Variants in TRPC4 observed in about 807,000 individuals in gnomAD.
TRPC4 encodes the protein short transient receptor potential channel 4.
A neutral mutation model predicts 99.4 loss-of-function variants in TRPC4; 49 were observed. That is an observed-to-expected ratio of 0.49 (90% CI 0.39 to 0.63). The LOEUF (loss-of-function observed/expected upper bound fraction) is 0.63, where lower values mean the gene tolerates loss of function less well. Ranked by LOEUF, TRPC4 falls within the 20% of genes least tolerant of loss-of-function variation. TRPC4 has a pLI of 0.00. For synonymous variants in TRPC4, 454 were observed against 425.9 expected (o/e 1.07, Z -0.81); for missense variants, 898 against 1,152.9 (o/e 0.78, Z 3.20).
intron 4 of TRPC4, among the ~76,000 whole-genome samples, chr13:37,680,476 T>A (rs1220985939): frequency 6.6e-6 from 1 of 152,194 alleles, no homozygotes; most frequent in Non-Finnish European, 1.5e-5. Flanking sequence ...AAAGTATGAT[T>A]TTATCCTAAC....
intron 3 of TRPC4, among the ~76,000 whole-genome samples, chr13:37,709,778 C>T (rs749875329): frequency 2.6e-5 from 4 of 152,070 alleles, no homozygotes; most frequent in Middle Eastern, 3.4e-3. Flanking sequence ...ACTCGCATAC[C>T]AATTTGATAT....
chr13:37,824,192 T>A (rs560592794), intron 1 of TRPC4, among the ~76,000 whole-genome samples: 64 of 151,138 alleles, frequency 4.2e-4, no homozygotes, highest in Admixed American at 2.7e-3. Context: ...TGGGGTTTTC[T>A]AGATATAAAA....
chr13:37,801,403 A>T (rs151105268), intron 1 of TRPC4, among the ~76,000 whole-genome samples: 54 of 152,246 alleles, frequency 3.5e-4, no homozygotes, highest in African/African-American at 1.3e-3. Context: ...ACAGCTGGGA[A>T]TCATAACTGT....
At position 37,790,555 on chromosome 13, in the gene TRPC4, T is replaced by G. The variant is rs138840176; in HGVS notation, c.-27-7195A>C. 8.6e-3 allele frequency among the ~76,000 whole-genome samples: 1,306 copies of G among 152,302 alleles called. 11 individuals carry two copies. Among genetic ancestry groups the G allele is most frequent in the African/African-American group, 0.03 (1,233 of 41,582 alleles). ...CATGTCTGTTTAGCTGAGATAATATTTGCCTACCTGGGCAAGCAGCTCCCT... is the reference window on the plus strand; with the variant it reads ...CATGTCTGTTTAGCTGAGATAATATGTGCCTACCTGGGCAAGCAGCTCCCT... On this transcript the variant is annotated intron_variant, in intron 1 of 10. Coordinates refer to ENST00000379705, the MANE Select transcript of TRPC4 (RefSeq NM_016179.4).
chr13:37,861,622 G>T (rs1287178478), intron 1 of TRPC4, among the ~76,000 whole-genome samples: 1 of 151,362 alleles, frequency 6.6e-6, no homozygotes, highest in Non-Finnish European at 1.5e-5. Context: ...TTCATGAAAG[G>T]GCAAAATCAT....
intron 1 of TRPC4, among the ~76,000 whole-genome samples, chr13:37,812,963 T>C (rs950978292): frequency 6.6e-6 from 1 of 151,196 alleles, no homozygotes; most frequent in African/African-American, 2.4e-5. Flanking sequence ...GGAAAAACAC[T>C]AGTGAAAAAA....
intron 1 of TRPC4, among the ~76,000 whole-genome samples, chr13:37,814,058 A>C (rs1317799149): frequency 6.6e-6 from 1 of 151,852 alleles, no homozygotes; most frequent in Non-Finnish European, 1.5e-5. Flanking sequence ...ACAACAAATC[A>C]ATACAATAAA....
At chr13:37,787,297 T>C (rs1243046348) in intron 1 of TRPC4, among the ~76,000 whole-genome samples, 1 of 152,078 alleles carries the variant, frequency 6.6e-6, no homozygotes, top group Non-Finnish European at 1.5e-5. Context: ...CAACTCCTAT[T>C]TGTTATTAAG....
chr13:37,681,478 G>C (rs957775423), intron 4 of TRPC4, among the ~76,000 whole-genome samples: 1 of 152,014 alleles, frequency 6.6e-6, no homozygotes, highest in African/African-American at 2.4e-5. Flanking sequence ...TATTGTTCCA[G>C]ATTGAATATC....
At chr13:37,712,201 A>T (rs1954509610) in intron 3 of TRPC4, among the ~76,000 whole-genome samples, 1 of 152,110 alleles carries the variant, frequency 6.6e-6, no homozygotes, top group Non-Finnish European at 1.5e-5. Flanking sequence ...TATGTCCTTG[A>T]TTGCCTTTCT....
intron 6 of TRPC4, among the ~76,000 whole-genome samples, chr13:37,659,386 C>T (rs1322747915): frequency 6.6e-6 from 1 of 152,102 alleles, no homozygotes; most frequent in African/African-American, 2.4e-5. Flanking sequence ...AGGCCCTCAC[C>T]AGAAGCAGAT....
chr13:37,818,098 C>T (rs1957910376), intron 1 of TRPC4, among the ~76,000 whole-genome samples: 1 of 151,952 alleles, frequency 6.6e-6, no homozygotes, highest in African/African-American at 2.4e-5. Context: ...CGTGAACAGA[C>T]AGCCTACAGA....
At chr13:37,762,823 T>A (rs1295192433) in intron 2 of TRPC4, among the ~76,000 whole-genome samples, 1 of 150,464 alleles carries the variant, frequency 6.6e-6, no homozygotes, top group Non-Finnish European at 1.5e-5. Flanking sequence ...CATATGTAAC[T>A]AACCTGCACA....
chr13:37,758,051 G>C (rs1041706708), intron 2 of TRPC4, among the ~76,000 whole-genome samples: 3 of 151,946 alleles, frequency 2.0e-5, no homozygotes, highest in East Asian at 3.9e-4. Context: ...GCGTATTCAC[G>C]TAAGTTACTG....
chr13:37,841,699 C>T (rs2139640195), intron 1 of TRPC4, among the ~76,000 whole-genome samples: 1 of 152,088 alleles, frequency 6.6e-6, no homozygotes, highest in African/African-American at 2.4e-5. Flanking sequence ...TGAGATATCA[C>T]TACTATAAAA....
chr13:37,841,161 G>A (rs994624801), intron 1 of TRPC4, among the ~76,000 whole-genome samples: 7 of 152,028 alleles, frequency 4.6e-5, no homozygotes, highest in Non-Finnish European at 8.8e-5. Flanking sequence ...AGCAAGTAAG[G>A]ATTTAATCAA....
At chr13:37,788,641 G>A (rs906291394) in intron 1 of TRPC4, among the ~76,000 whole-genome samples, 1 of 151,916 alleles carries the variant, frequency 6.6e-6, no homozygotes, top group Non-Finnish European at 1.5e-5. Flanking sequence ...CTTTTCTTCA[G>A]TCTAAAGCTG....
intron 3 of TRPC4, among the ~76,000 whole-genome samples, chr13:37,723,639 T>G (rs1163881159): frequency 6.6e-6 from 1 of 152,176 alleles, no homozygotes; most frequent in Non-Finnish European, 1.5e-5. Flanking sequence ...AGCTTTGACT[T>G]CTTGAGCTTA....
intron 5 of TRPC4, among the ~76,000 whole-genome samples, chr13:37,667,457 C>T (rs886905802): frequency 1.3e-5 from 2 of 152,160 alleles, no homozygotes; most frequent in African/African-American, 4.8e-5. Flanking sequence ...CAGGCACCCA[C>T]CACCATGCCC....
Sources: allele counts gnomAD v4.1 joint callset (sites outside exome capture counted in the v4.1 genomes callset), GRCh38; gene constraint gnomAD v4.1.1; transcripts MANE v1.5; gene names NCBI Gene and HGNC (gene_info 2026-07-23, HGNC 2026-07-21).